The following DTNA variants were observed in gnomAD, a reference collection of about 807,000 sequenced individuals.
The protein encoded by DTNA is dystrophin-related protein 3.
DTNA carries 43 observed loss-of-function variants against 100.7 expected under a neutral mutation model. That is an observed-to-expected ratio of 0.43 (90% CI 0.33 to 0.55). The LOEUF is 0.55. Among genes scored for constraint, DTNA ranks in the 20% least tolerant of loss-of-function variants. The pLI is 0.04. For missense variants in DTNA, 798 were observed against 953.9 expected, an observed-to-expected ratio of 0.84 and a Z score of 2.15; for synonymous variants, 349 against 347.9, an observed-to-expected ratio of 1.00 and a Z score of -0.04.
chr18:34,804,373 G>T (rs887864027), intron 4 of DTNA, among the ~76,000 whole-genome samples: 21 of 152,120 alleles, frequency 1.4e-4, no homozygotes, highest in Non-Finnish European at 2.6e-4. Context: ...AAATAATATG[G>T]TCAAATTTGT....
intron 3 of DTNA, among the ~76,000 whole-genome samples, chr18:34,774,292 C>T (rs897560029): frequency 5.3e-5 from 8 of 152,208 alleles, no homozygotes; most frequent in African/African-American, 1.9e-4. Context: ...GTCAGCAGAG[C>T]GATGAAGGGA....
intron 13 of DTNA, among the ~76,000 whole-genome samples, chr18:34,842,880 G>T (rs1422170212): frequency 6.6e-6 from 1 of 152,068 alleles, no homozygotes; most frequent in South Asian, 2.1e-4. Context: ...TGGTTGGTTG[G>T]TTGGCTGACT....
At chr18:34,602,950 C>A (rs1373366628) in intron 1 of DTNA, among the ~76,000 whole-genome samples, 1 of 151,668 alleles carries the variant, frequency 6.6e-6, no homozygotes, top group Non-Finnish European at 1.5e-5. Flanking sequence ...TTGCAGTGAA[C>A]CGAGATCACG....
At chr18:34,635,085 C>CT (rs2058518714) in intron 1 of DTNA, among the ~76,000 whole-genome samples, 1 of 152,108 alleles carries the variant, frequency 6.6e-6, no homozygotes, top group Middle Eastern at 3.2e-3. Flanking sequence ...GTGAATTAAA[C>CT]TTTTTTAGAT....
chr18:34,562,685 C>T (rs1407472687), intron 1 of DTNA, among the ~76,000 whole-genome samples: 1 of 152,178 alleles, frequency 6.6e-6, no homozygotes, highest in Non-Finnish European at 1.5e-5. Context: ...ACATCAGCAT[C>T]ACCAGGGGCT....
intron 19 of DTNA, 108 bp from the exon 20 acceptor site, chr18:34,879,443 G>T (rs2096850770): frequency 1.9e-6 from 2 of 1,079,988 alleles, no homozygotes; most frequent in Non-Finnish European, 2.8e-6. Flanking sequence ...ATGATAACTG[G>T]TTAACATTTT....
chr18:34,515,971 G>C (rs1476049489), intron 1 of DTNA, among the ~76,000 whole-genome samples: 2 of 152,086 alleles, frequency 1.3e-5, no homozygotes, highest in African/African-American at 4.8e-5. Flanking sequence ...CACTAAATTA[G>C]TCACACAGAA....
chr18:34,730,048 T>C (rs528069721), intron 1 of DTNA, among the ~76,000 whole-genome samples: 23 of 152,298 alleles, frequency 1.5e-4, no homozygotes, highest in African/African-American at 5.3e-4. Context: ...AAAATAAATG[T>C]AGGCATTTGC....
intron 1 of DTNA, among the ~76,000 whole-genome samples, chr18:34,654,860 G>T (rs1467504760): frequency 6.6e-6 from 1 of 152,030 alleles, no homozygotes; most frequent in Non-Finnish European, 1.5e-5. Context: ...CCAAGTAGCT[G>T]GGATTACAGG....
chr18:34,626,942 T>A (rs1346924374), intron 1 of DTNA, among the ~76,000 whole-genome samples: 2 of 152,156 alleles, frequency 1.3e-5, no homozygotes, highest in Non-Finnish European at 2.9e-5. Context: ...GTAATGGAAA[T>A]CCCCTCCATG....
chr18:34,737,542 A>T (rs2089853351), intron 1 of DTNA, among the ~76,000 whole-genome samples: 1 of 152,216 alleles, frequency 6.6e-6, no homozygotes, highest in Admixed American at 6.5e-5. Flanking sequence ...CAACCAAGGG[A>T]TGCTTAGAGA....
chr18:34,699,951 G>A (rs1177914199), intron 1 of DTNA, among the ~76,000 whole-genome samples: 1 of 152,092 alleles, frequency 6.6e-6, no homozygotes, highest in African/African-American at 2.4e-5. Flanking sequence ...TTATACTCAG[G>A]ACCCTGTCTC....
Position 34,879,664 on chromosome 18 carries a change from C to T in DTNA, c.2107C>T (p.Arg703Ter), listed in dbSNP as rs1390748366. The T allele has an allele frequency of 1.2e-6, 2 of 1,614,030 alleles. No individual in the cohort carries two copies. The highest frequency in any genetic ancestry group is 1.7e-5 in the Admixed American group (1 of 60,012). ...EKAFLAQIHA[R>*]KPGYIHSGAT... The stretch of plus-strand genomic sequence containing the variant: ...GGCTTTTCTAGCGCAAATCCATGCC[C>T]GAAAACCTGGGTACATTCACAGTGG... The change falls in exon 20 of 23, where the codon CGA becomes TGA. Residue 703 changes from arginine (R) to a stop codon, truncating the protein, a stop_gained. Coordinates refer to ENST00000444659, the MANE Select transcript of DTNA (RefSeq NM_001386795.1). LOFTEE classifies it high-confidence loss of function.
chr18:34,797,482 G>A (rs1356488035), intron 4 of DTNA, among the ~76,000 whole-genome samples: 1 of 152,084 alleles, frequency 6.6e-6, no homozygotes, highest in African/African-American at 2.4e-5. Context: ...TTTGCTGCCA[G>A]GAGCCTTCCG....
intron 1 of DTNA, among the ~76,000 whole-genome samples, chr18:34,610,216 C>T (rs769822911): frequency 2.3e-4 from 35 of 152,116 alleles, no homozygotes; most frequent in Non-Finnish European, 4.4e-4. Context: ...TAGTCAAGTA[C>T]GTGAGGAGAC....
At chr18:34,767,895 A>C (rs1206025412) in intron 3 of DTNA, among the ~76,000 whole-genome samples, 2 of 152,230 alleles carry the variant, frequency 1.3e-5, no homozygotes, top group Non-Finnish European at 2.9e-5. Context: ...CCTCACAGGA[A>C]GCTAAAGCAA....
chr18:34,524,755 T>G (rs896222596), intron 1 of DTNA, among the ~76,000 whole-genome samples: 2 of 147,728 alleles, frequency 1.4e-5, no homozygotes, highest in African/African-American at 5.3e-5. Context: ...ACAAGAGGAT[T>G]TTTTTTTAAA....
chr18:34,577,752 C>T (rs145287975), intron 1 of DTNA, among the ~76,000 whole-genome samples: 75 of 152,222 alleles, frequency 4.9e-4, no homozygotes, highest in Admixed American at 8.5e-4. Flanking sequence ...CAGGTTACTG[C>T]GAATGCCATT....
intron 1 of DTNA, among the ~76,000 whole-genome samples, chr18:34,507,318 G>A (rs573395872): frequency 6.6e-6 from 1 of 152,228 alleles, no homozygotes; most frequent in African/African-American, 2.4e-5. Context: ...ATGTAGTTTT[G>A]GACCAGTACG....
Sources: allele counts gnomAD v4.1 joint callset (sites outside exome capture counted in the v4.1 genomes callset), GRCh38; gene constraint gnomAD v4.1.1; transcripts MANE v1.5; gene names NCBI Gene and HGNC (gene_info 2026-07-23, HGNC 2026-07-21).